PTPRN2: variants seen among roughly 807,000 people sequenced by gnomAD.
PTPRN2 encodes receptor-type tyrosine-protein phosphatase N2.
Under a neutral mutation model 118.8 loss-of-function variants are expected in PTPRN2, and 74 were observed. The ratio of observed to expected loss-of-function variants is 0.62; its 90% CI spans 0.52 to 0.76. The LOEUF is 0.76. Ranked by LOEUF, PTPRN2 falls within the 30% of genes least tolerant of loss-of-function variation. PTPRN2 has a pLI of 0.00. For missense variants in PTPRN2, 1,481 were observed against 1,394.4 expected, an observed-to-expected ratio of 1.06 and a Z score of -0.99; for synonymous variants, 641 against 608.0, an observed-to-expected ratio of 1.05 and a Z score of -0.80.
intron 9 of PTPRN2, among the ~76,000 whole-genome samples, chr7:158,115,851 G>T (rs1816685758): frequency 6.6e-6 from 1 of 152,186 alleles, no homozygotes. Flanking sequence ...TGCCTTCAAG[G>T]CATCAGGTGA....
chr7:157,582,692 G>A (rs532791527), intron 17 of PTPRN2, among the ~76,000 whole-genome samples: 1 of 152,064 alleles, frequency 6.6e-6, no homozygotes, highest in South Asian at 2.1e-4. Flanking sequence ...TGACCAACAT[G>A]GTGAAACACC....
At chr7:157,955,731 G>A (rs547228309) in intron 11 of PTPRN2, among the ~76,000 whole-genome samples, 3 of 152,308 alleles carry the variant, frequency 2.0e-5, no homozygotes, top group African/African-American at 7.2e-5. Flanking sequence ...AGCCCCGCAG[G>A]GTGCTAGGGC....
intron 2 of PTPRN2, among the ~76,000 whole-genome samples, chr7:158,330,990 A>G (rs1164817788): frequency 8.7e-6 from 1 of 115,210 alleles, no homozygotes; most frequent in South Asian, 3.4e-4. Flanking sequence ...CTCTCACCAT[A>G]AGAGCTGACA....
intron 2 of PTPRN2, among the ~76,000 whole-genome samples, chr7:158,466,017 G>A (rs1290538112): frequency 6.6e-6 from 1 of 152,140 alleles, no homozygotes; most frequent in East Asian, 1.9e-4. Flanking sequence ...GTAATAAAAT[G>A]GACATCCTTA....
chr7:157,615,151 G>A lies in PTPRN2; in HGVS notation c.2344+6211C>T, dbSNP rs1012077932. ...CACGCTAATACGGCCAACACTGGGC[G>A]GCTGGCCAGCGTGGGTGGTGGGTGT... On this transcript the variant is annotated intron_variant, in intron 15 of 22. Coordinates refer to ENST00000389418, the MANE Select transcript of PTPRN2 (RefSeq NM_002847.5). The surrounding 1 kb of genome is among the most constrained non-coding windows in gnomAD (Gnocchi z 4.3). Among the ~76,000 whole-genome samples, 2 of 152,240 alleles carry A rather than the reference G, an allele frequency of 1.3e-5. No homozygotes were observed. The highest frequency in any genetic ancestry group is 2.9e-5 in the Non-Finnish European group (2 of 68,036).
Position 158,503,556 on chromosome 7 carries a change from G to T in PTPRN2, c.113-13771C>A, listed in dbSNP as rs892908544. ...TGAAGAGGCAGAGCCGGCACCACAA[G>T]AATGGAGGACTTGGAAGTAACAGTA... On this transcript the variant is annotated intron_variant, in intron 1 of 22. Coordinates refer to ENST00000389418, the MANE Select transcript of PTPRN2 (RefSeq NM_002847.5). 3.3e-5 allele frequency among the ~76,000 whole-genome samples: 5 copies of T among 152,324 alleles called. No individual in the cohort carries two copies. The East Asian group carries it at 5.8e-4, about 18-fold the overall frequency.
At chr7:158,531,091 G>C (rs1825198383) in intron 1 of PTPRN2, among the ~76,000 whole-genome samples, 1 of 152,164 alleles carries the variant, frequency 6.6e-6, no homozygotes, top group African/African-American at 2.4e-5. Flanking sequence ...AACCACAACA[G>C]ACTGTGTTCA....
chr7:158,046,668 C>T (rs889507201), intron 11 of PTPRN2, among the ~76,000 whole-genome samples: 3 of 152,204 alleles, frequency 2.0e-5, no homozygotes, highest in African/African-American at 7.2e-5. Flanking sequence ...ACTGTGGCTG[C>T]AGGAACCAGG....
At chr7:158,229,554 T>C (rs1216506433) in intron 3 of PTPRN2, among the ~76,000 whole-genome samples, 1 of 152,012 alleles carries the variant, frequency 6.6e-6, no homozygotes, top group African/African-American at 2.4e-5. Flanking sequence ...TTTTTAAAAA[T>C]TCAAACAGAA....
At chr7:157,984,110 A>T (rs909861597) in intron 11 of PTPRN2, among the ~76,000 whole-genome samples, 1 of 152,032 alleles carries the variant, frequency 6.6e-6, no homozygotes, top group African/African-American at 2.4e-5. Flanking sequence ...ACAGCCGGGA[A>T]CCCAGCAGCC....
chr7:157,548,204 A>T (rs892751649), intron 22 of PTPRN2, among the ~76,000 whole-genome samples: 1 of 152,178 alleles, frequency 6.6e-6, no homozygotes, highest in African/African-American at 2.4e-5. Context: ...TGACAGAGTG[A>T]GACTCTGTCT....
chr7:158,108,204 C>T (rs1212575277), intron 10 of PTPRN2, among the ~76,000 whole-genome samples: 1 of 151,998 alleles, frequency 6.6e-6, no homozygotes, highest in African/African-American at 2.4e-5. Context: ...GCACCTGCCA[C>T]CTCTCACCTG....
Position 157,595,226 on chromosome 7 carries a change from A to C in PTPRN2, c.2496+12T>G. On this transcript the variant is annotated intron_variant, in intron 17 of 22. Transcript: ENST00000389418. The stretch of plus-strand genomic sequence containing the variant: ...TTTTCAGAAAGAGAGATTTTAATTT[A>C]AAAATGTTCACCTGCCAAAAGTCAG... The C allele has an allele frequency of 6.2e-7, 1 of 1,612,698 alleles. No homozygotes were observed. The highest frequency in any genetic ancestry group is 1.7e-5 in the Admixed American group (1 of 60,022).
intron 3 of PTPRN2, among the ~76,000 whole-genome samples, chr7:158,278,563 G>A (rs1799194200): frequency 6.6e-6 from 1 of 152,182 alleles, no homozygotes; most frequent in Non-Finnish European, 1.5e-5. Context: ...AAACCAATAA[G>A]CCCAGAACCC....
At chr7:157,890,633 CTG>C (rs1397256193) in intron 12 of PTPRN2, among the ~76,000 whole-genome samples, 2 of 152,320 alleles carry the variant, frequency 1.3e-5, no homozygotes, top group African/African-American at 2.4e-5. Context: ...CAGAGCGAGA[CTG>C]TGTCTCAAAC....
At chr7:158,277,159 G>A (rs1420882088) in intron 3 of PTPRN2, among the ~76,000 whole-genome samples, 6 of 151,260 alleles carry the variant, frequency 4.0e-5, no homozygotes, top group Admixed American at 4.0e-4. Flanking sequence ...ACATACACGT[G>A]CACATAAACA....
intron 12 of PTPRN2, among the ~76,000 whole-genome samples, chr7:157,887,481 TG>T (rs1796527279): frequency 4.6e-5 from 1 of 21,936 alleles, no homozygotes; most frequent in Non-Finnish European, 8.3e-5. Context: ...CATTACCTGC[TG>T]CTGCCAGTAC....
At chr7:158,360,101 C>A (rs1586451535) in intron 2 of PTPRN2, among the ~76,000 whole-genome samples, 1 of 132,904 alleles carries the variant, frequency 7.5e-6, no homozygotes, top group Non-Finnish European at 1.6e-5. Context: ...GGATGACGCA[C>A]AGACCCCACA....
chr7:158,290,003 G>C (rs1249313226), intron 3 of PTPRN2, among the ~76,000 whole-genome samples: 1 of 152,190 alleles, frequency 6.6e-6, no homozygotes, highest in Non-Finnish European at 1.5e-5. Context: ...GGTGAACTTA[G>C]AGCCTGGCAT....
Sources: allele counts gnomAD v4.1 joint callset (sites outside exome capture counted in the v4.1 genomes callset), GRCh38; gene constraint gnomAD v4.1.1; non-coding constraint Gnocchi (gnomAD v3.1); transcripts MANE v1.5; gene names NCBI Gene and HGNC (gene_info 2026-07-23, HGNC 2026-07-21).